Variants in XKR4 observed in about 807,000 individuals in gnomAD.
XKR4 encodes the protein XK related 4, also known as XK-related protein 4.
XKR4 carries 12 observed loss-of-function variants against 53.9 expected under a neutral mutation model. That is an observed-to-expected ratio of 0.22 (90% CI 0.14 to 0.36). The LOEUF (loss-of-function observed/expected upper bound fraction) is 0.36. XKR4 is among the 10% of genes least tolerant of loss of function. The probability of loss-of-function intolerance (pLI) is 1.00; values close to 1 mark genes in which losing one functional copy is unlikely to be tolerated. For missense variants in XKR4, 799 were observed against 859.5 expected (o/e 0.93, Z 0.88); for synonymous variants, 354 against 362.4 (o/e 0.98, Z 0.26).
chr8:55,261,741 C>T (rs185109239), intron 1 of XKR4, among the ~76,000 whole-genome samples: 9 of 152,072 alleles, frequency 5.9e-5, no homozygotes, highest in Non-Finnish European at 1.0e-4. Context: ...GTAAATATCA[C>T]GTGAGTTCTC....
chr8:55,321,071 T>C (rs1803205071), intron 1 of XKR4, among the ~76,000 whole-genome samples: 1 of 152,136 alleles, frequency 6.6e-6, no homozygotes, highest in African/African-American at 2.4e-5. Flanking sequence ...TGTGCCCTGA[T>C]AGAAACGAGG....
intron 1 of XKR4, among the ~76,000 whole-genome samples, chr8:55,310,863 G>C (rs1028220926): frequency 6.6e-6 from 1 of 152,206 alleles, no homozygotes; most frequent in African/African-American, 2.4e-5. Context: ...GACAGGAAGG[G>C]GAAGAAAGGA....
At chr8:55,489,279 T>C (rs895582452) in intron 2 of XKR4, among the ~76,000 whole-genome samples, 6 of 152,202 alleles carry the variant, frequency 3.9e-5, no homozygotes, top group Non-Finnish European at 7.4e-5. Flanking sequence ...CTGTACTTTC[T>C]ACTCAATTTT....
intron 1 of XKR4, among the ~76,000 whole-genome samples, chr8:55,218,851 C>T (rs1032681285): frequency 1.3e-5 from 2 of 152,126 alleles, no homozygotes; most frequent in African/African-American, 2.4e-5. Context: ...AATCATTACT[C>T]GGCTTATGAA....
intron 2 of XKR4, among the ~76,000 whole-genome samples, chr8:55,500,670 A>G (rs1488653026): frequency 6.6e-6 from 1 of 152,180 alleles, no homozygotes; most frequent in East Asian, 1.9e-4. Context: ...TATGGGGGCA[A>G]AGAGAAGACG....
chr8:55,177,391 TAC>T (rs1817250147), intron 1 of XKR4, among the ~76,000 whole-genome samples: 6 of 152,290 alleles, frequency 3.9e-5, no homozygotes, highest in African/African-American at 1.4e-4. Context: ...CACAGTTAAG[TAC>T]TGGGCTCCCA....
chr8:55,363,136 T>C (rs1803927509), intron 2 of XKR4, among the ~76,000 whole-genome samples: 1 of 152,180 alleles, frequency 6.6e-6, no homozygotes, highest in South Asian at 2.1e-4. Flanking sequence ...TAGTTCTTTG[T>C]TTCCCATTGC....
intron 1 of XKR4, among the ~76,000 whole-genome samples, chr8:55,161,080 T>C (rs1257882025): frequency 6.6e-6 from 1 of 152,194 alleles, no homozygotes; most frequent in Admixed American, 6.5e-5. Flanking sequence ...CTTTGGTGGT[T>C]ATCTCTTCCA....
chr8:55,283,137 T>A (rs535842353), intron 1 of XKR4, among the ~76,000 whole-genome samples: 3 of 152,326 alleles, frequency 2.0e-5, no homozygotes, highest in Non-Finnish European at 4.4e-5. Flanking sequence ...ATAAGTACAC[T>A]CTATGATGTT....
At chr8:55,114,486 C>T (rs1247493557) in intron 1 of XKR4, among the ~76,000 whole-genome samples, 1 of 151,980 alleles carries the variant, frequency 6.6e-6, no homozygotes, top group Non-Finnish European at 1.5e-5. Context: ...GGGTGAAGGC[C>T]AAAGCACATC....
intron 1 of XKR4, among the ~76,000 whole-genome samples, chr8:55,215,737 A>G (rs1394813491): frequency 6.6e-6 from 1 of 152,244 alleles, no homozygotes; most frequent in Non-Finnish European, 1.5e-5. Context: ...AACTAGGACA[A>G]GAACATATTT....
chr8:55,146,136 T>C (rs1469394798), intron 1 of XKR4, among the ~76,000 whole-genome samples: 1 of 152,240 alleles, frequency 6.6e-6, no homozygotes. Context: ...TTATGTTTCA[T>C]AATTTGACTT....
intron 1 of XKR4, among the ~76,000 whole-genome samples, chr8:55,276,824 T>C (rs189081885): frequency 1.5e-4 from 23 of 152,334 alleles, no homozygotes; most frequent in Admixed American, 1.4e-3. Flanking sequence ...TTTCATTTTT[T>C]TTGCAAATTC....
At chr8:55,284,775 A>C (rs1818885032) in intron 1 of XKR4, among the ~76,000 whole-genome samples, 1 of 152,192 alleles carries the variant, frequency 6.6e-6, no homozygotes, top group African/African-American at 2.4e-5. Context: ...CACTAAAGGG[A>C]AGGGGAATTA....
intron 1 of XKR4, among the ~76,000 whole-genome samples, chr8:55,246,677 G>A (rs1396536672): frequency 6.6e-6 from 1 of 150,852 alleles, no homozygotes; most frequent in East Asian, 1.9e-4. Flanking sequence ...ATTCTGTAAG[G>A]TTTTGGGGTC....
At chr8:55,429,086 T>C (rs893283126) in intron 2 of XKR4, among the ~76,000 whole-genome samples, 1 of 152,188 alleles carries the variant, frequency 6.6e-6, no homozygotes, top group Non-Finnish European at 1.5e-5. Flanking sequence ...TAACACAATA[T>C]ACCCACAAAT....
intron 2 of XKR4, among the ~76,000 whole-genome samples, chr8:55,394,053 C>T (rs557565323): frequency 3.9e-5 from 6 of 152,160 alleles, no homozygotes; most frequent in African/African-American, 9.6e-5. Flanking sequence ...TGCAATAAAT[C>T]GATGTAAGAA....
intron 1 of XKR4, among the ~76,000 whole-genome samples, chr8:55,306,998 A>C (rs1347841092): frequency 7.9e-5 from 12 of 152,070 alleles, no homozygotes; most frequent in Non-Finnish European, 1.5e-5. Context: ...AGATCAATAC[A>C]GATCACAGAC....
intron 1 of XKR4, chr8:55,161,761 A>C: frequency 5.3e-6 from 2 of 375,652 alleles, no homozygotes; most frequent in East Asian, 7.7e-5. Context: ...TTCATCACTA[A>C]ATTCTTTTCT....
Sources: gnomAD v4.1 joint callset for allele counts (sites outside exome capture counted in the v4.1 genomes callset) on GRCh38, gnomAD v4.1.1 for gene constraint, MANE v1.5 for transcripts, NCBI Gene and HGNC (gene_info 2026-07-23, HGNC 2026-07-21) for gene names.